The following TMTC3 variants were observed in gnomAD, a reference collection of about 807,000 sequenced individuals.
TMTC3 encodes the protein transmembrane O-mannosyltransferase targeting cadherins 3.
In TMTC3, 52 loss-of-function variants were observed where a neutral mutation model predicts 92.2. The observed-to-expected ratio is 0.56, with a 90% CI of 0.45 to 0.71. The LOEUF (loss-of-function observed/expected upper bound fraction) is 0.71. Among genes scored for constraint, TMTC3 ranks in the 30% least tolerant of loss-of-function variants. The probability of loss-of-function intolerance (pLI) is 0.00; values close to 1 mark genes in which losing one functional copy is unlikely to be tolerated. For missense variants in TMTC3, 896 were observed against 1,057.1 expected (o/e 0.85, Z 2.11); for synonymous variants, 339 against 363.3 (o/e 0.93, Z 0.76).
At position 88,154,288 on chromosome 12, in the gene TMTC3, G is replaced by A; in HGVS notation, c.409G>A (p.Val137Ile). The A allele has an allele frequency of 1.3e-6, 2 of 1,596,412 alleles. No individual in the cohort carries two copies. Among genetic ancestry groups the A allele is most frequent in the Non-Finnish European group, 1.7e-6 (2 of 1,173,514 alleles). ...FAVHPIHTEA[V>I]TGVVGRAELL... ...AACCCCCTTCATTTTTCCTTTCTAG[G>A]TAACAGGAGTTGTTGGAAGAGCAGA... Residue 137 changes from valine to isoleucine, a missense_variant and splice_region_variant, in exon 4 of 14, where the codon GTA becomes ATA. By Grantham distance (29) the Val-to-Ile change is conservative. Coordinates refer to ENST00000266712, the MANE Select transcript of TMTC3 (RefSeq NM_181783.4).
Position 88,195,192 on chromosome 12 carries a change from T to C in TMTC3, c.2288T>C (p.Ile763Thr). ...GGAGCAAAAAAATGTTTTGAAAGGA[T>C]TTTGGAGATGGATCCAAGCAATGTG... The part of the protein sequence containing the change: ...ILGAKKCFER[I>T]LEMDPSNVQG... The change falls in exon 14 of 14, where the codon ATT becomes ACT. Residue 763 changes from isoleucine to threonine, a missense_variant. Physicochemically the swap from Ile to Thr is moderately conservative, Grantham distance 89. Transcript: ENST00000266712. 6.2e-7 allele frequency: 1 copy of C among 1,613,842 alleles called. No homozygotes were observed. The highest frequency in any genetic ancestry group is 8.5e-7 in the Non-Finnish European group (1 of 1,179,922).
intron 11 of TMTC3, 60 bp downstream of exon 11, chr12:88,189,006 T>C: frequency 5.6e-6 from 5 of 891,694 alleles, no homozygotes; most frequent in Non-Finnish European, 8.8e-6. Context: ...TTGAATAGAA[T>C]TATCTAGAAG....
chr12:88,142,648 T>C (rs148844491), intron 1 of TMTC3, among the ~76,000 whole-genome samples, 161 bp downstream of exon 1: 14 of 152,346 alleles, frequency 9.2e-5, no homozygotes, highest in Admixed American at 9.1e-4. Context: ...TCCAGGGTAG[T>C]GCCTTCTGTA....
intron 12 of TMTC3, among the ~76,000 whole-genome samples, chr12:88,192,155 A>G (rs1021904114): frequency 1.3e-5 from 2 of 151,578 alleles, no homozygotes; most frequent in African/African-American, 4.9e-5. Context: ...ATACATTCAA[A>G]TATTGGAATT....
rs752826060 is a variant in TMTC3 at position 88,188,949 on chromosome 12, A to G, written c.1536+3A>G. The G allele has an allele frequency of 2.8e-5, 43 of 1,530,502 alleles. No individual in the cohort carries two copies. Among genetic ancestry groups the G allele is most frequent in the African/African-American group, 5.5e-5 (4 of 72,482 alleles). The allele number at this position is 1,530,502 out of a possible 1,614,324, so 94.8% of individuals were successfully genotyped here. A position where few individuals can be genotyped will look rare whatever the true frequency, so the allele number is the denominator to read the frequency against. Reference sequence around the variant, plus strand: ...TGGCTAAATCACTGATGCCTCAAGTAAGTTGCCATAATTTATCTATTGTGT... The same window carrying G: ...TGGCTAAATCACTGATGCCTCAAGTGAGTTGCCATAATTTATCTATTGTGT... On this transcript the variant is annotated splice_donor_region_variant and intron_variant, in intron 11 of 13. Coordinates refer to ENST00000266712, the MANE Select transcript of TMTC3 (RefSeq NM_181783.4).
chr12:88,179,398 C>G (rs974171569), intron 10 of TMTC3, among the ~76,000 whole-genome samples: 1 of 152,020 alleles, frequency 6.6e-6, no homozygotes, highest in African/African-American at 2.4e-5. Flanking sequence ...TTCAATCACT[C>G]TAAGTTTTCT....
In TMTC3 at chr12:88,196,950, T is replaced by TAA. The variant is rs1205162599; in HGVS notation, c.*1302_*1303dup. ...AAAAGTAGTTACAAATTAAACTTAC[T>TAA]AATTTATACCTGATTTTTTTTCTTG... On this transcript the variant is annotated 3_prime_UTR_variant, in exon 14 of 14. Transcript: ENST00000266712. 2.0e-5 allele frequency: 3 copies of TAA among 151,962 alleles called. No homozygotes were observed. Among genetic ancestry groups the TAA allele is most frequent in the Non-Finnish European group, 4.4e-5 (3 of 67,814 alleles). 9.4% of individuals were successfully genotyped at this position (151,962 alleles called of 1,614,324 possible). A position where few individuals can be genotyped will look rare whatever the true frequency, so the allele number is the denominator to read the frequency against.
Position 88,195,128 on chromosome 12 carries a change from A to G in TMTC3, c.2224A>G (p.Lys742Glu). 1 of 1,613,870 alleles carries G rather than the reference A, an allele frequency of 6.2e-7. No individual in the cohort carries two copies. Among genetic ancestry groups the G allele is most frequent in the Non-Finnish European group, 8.5e-7 (1 of 1,179,922 alleles). ...TGATCATATCAAGGGCCTCATTTTAAAAGGAGACATTCTGATGAATCAAAA... is the reference window on the plus strand; with the variant it reads ...TGATCATATCAAGGGCCTCATTTTAGAAGGAGACATTCTGATGAATCAAAA... The part of the protein sequence containing the change: ...YPDHIKGLIL[K>E]GDILMNQKKD... Residue 742 changes from lysine to glutamate, a missense_variant, in exon 14 of 14, where the codon AAA becomes GAA. Lys to Glu is a moderately conservative substitution (Grantham distance 56). Coordinates refer to ENST00000266712, the MANE Select transcript of TMTC3 (RefSeq NM_181783.4).
chr12:88,178,910 ACATT>A (rs1272648816), intron 10 of TMTC3, among the ~76,000 whole-genome samples: 2 of 152,158 alleles, frequency 1.3e-5, no homozygotes, highest in African/African-American at 4.8e-5. Flanking sequence ...GTGTGTGTAC[ACATT>A]CAGTTTTGTC....
chr12:88,144,681 A>C (rs1477067510), intron 1 of TMTC3, among the ~76,000 whole-genome samples: 4 of 152,230 alleles, frequency 2.6e-5, no homozygotes, highest in Admixed American at 2.0e-4. Flanking sequence ...TTTATTCTTT[A>C]ACTCATTCTA....
intron 2 of TMTC3, among the ~76,000 whole-genome samples, chr12:88,151,992 C>G (rs1176195978): frequency 6.6e-6 from 1 of 152,230 alleles, no homozygotes; most frequent in East Asian, 1.9e-4. Flanking sequence ...TTTGTGTTTC[C>G]TAATGTTCCC....
chr12:88,161,906 A>G (rs1183886839), intron 6 of TMTC3, among the ~76,000 whole-genome samples: 1 of 151,898 alleles, frequency 6.6e-6, no homozygotes, highest in Non-Finnish European at 1.5e-5. Context: ...TTTTCCTTGA[A>G]CATACATTGC....
Position 88,182,747 on chromosome 12 carries a change from C to A in TMTC3, c.1433-6096C>A, listed in dbSNP as rs543867279. On this transcript the variant is annotated intron_variant, in intron 10 of 13. Coordinates refer to ENST00000266712, the MANE Select transcript of TMTC3 (RefSeq NM_181783.4). ...AATTCTTTTCTACTTGGGAGCAAAG[C>A]CTGATTTACATGATACTGACACATG... 2.6e-5 allele frequency among the ~76,000 whole-genome samples: 4 copies of A among 152,214 alleles called. No homozygotes were observed. The East Asian group carries it at 7.7e-4, about 29-fold the overall frequency.
chr12:88,176,670 G>A (rs1346539316), intron 10 of TMTC3, among the ~76,000 whole-genome samples: 1 of 152,118 alleles, frequency 6.6e-6, no homozygotes, highest in Non-Finnish European at 1.5e-5. Flanking sequence ...GGCTACTTGG[G>A]AGGCTCAGGT....
rs148432020 is a variant in TMTC3, at chr12:88,160,241, T to C, written c.624+12T>C. ...TTATTGCCCAGGGGGTAAGCCAAAC[T>C]ATAAATATATAAATTTTCTTATTGA... On this transcript the variant is annotated intron_variant, in intron 5 of 13. Transcript: ENST00000266712. 1.0e-5 allele frequency: 14 copies of C among 1,396,292 alleles called. No homozygotes were observed. The African/African-American group carries it at 1.9e-4, about 19-fold the overall frequency. The allele number at this position is 1,396,292 out of a possible 1,614,324, so 86.5% of individuals were successfully genotyped here.
rs762932624 is a variant in TMTC3 at position 88,195,550 on chromosome 12, A to C, written c.2646A>C (p.Thr882=). 2 of 1,613,076 alleles carry C rather than the reference A, an allele frequency of 1.2e-6. No individual in the cohort carries two copies. Among genetic ancestry groups the C allele is most frequent in the South Asian group, 2.2e-5 (2 of 90,838 alleles). ...TAGGAAAAAATGGAGACGAAGAGAC[A>C]CCCCACAAAACAACAAAAGACATCA... ...KQLGKNGDEE[T]PHKTTKDIKE... The change falls in exon 14 of 14, where the codon ACA becomes ACC. Residue 882 remains threonine (T), a synonymous_variant. Coordinates refer to ENST00000266712, the MANE Select transcript of TMTC3 (RefSeq NM_181783.4).
At chr12:88,157,599 A>G (rs975404281) in intron 4 of TMTC3, among the ~76,000 whole-genome samples, 47 of 152,140 alleles carry the variant, frequency 3.1e-4, no homozygotes, top group Non-Finnish European at 1.2e-4. Context: ...GACAGAGTAT[A>G]TTATTACTTG....
At chr12:88,144,794 T>C (rs2040852623) in intron 1 of TMTC3, among the ~76,000 whole-genome samples, 1 of 152,232 alleles carries the variant, frequency 6.6e-6, no homozygotes, top group African/African-American at 2.4e-5. Context: ...TGCATTGTCG[T>C]CTGTACCTAA....
chr12:88,185,907 AT>A (rs1209942369), intron 10 of TMTC3, among the ~76,000 whole-genome samples: 1 of 152,112 alleles, frequency 6.6e-6, no homozygotes, highest in African/African-American at 2.4e-5. Flanking sequence ...ATTGTGACTT[AT>A]TATCTTTATT....
Sources: gnomAD v4.1 joint callset for allele counts (sites outside exome capture counted in the v4.1 genomes callset) on GRCh38, gnomAD v4.1.1 for gene constraint, MANE v1.5 for transcripts, NCBI Gene and HGNC (gene_info 2026-07-23, HGNC 2026-07-21) for gene names.